Variants in RHCG observed in about 807,000 individuals in gnomAD.
RHCG encodes ammonium transporter Rh type C.
A neutral mutation model predicts 55.3 loss-of-function variants in RHCG; 39 were observed. The ratio of observed to expected loss-of-function variants is 0.70; its 90% confidence interval spans 0.55 to 0.92. RHCG has a LOEUF of 0.92. Among genes scored for constraint, RHCG ranks in the 40% least tolerant of loss-of-function variants. The pLI is 0.00. For synonymous variants in RHCG, 250 were observed against 246.8 expected (o/e 1.01, Z -0.12); for missense variants, 635 against 627.9 (o/e 1.01, Z -0.12).
intron 9 of RHCG, 95 bp downstream of exon 9, chr15:89,476,660 C>T: frequency 9.9e-7 from 1 of 1,010,094 alleles, no homozygotes; most frequent in Non-Finnish European, 1.6e-6. Context: ...CCACCCCCGG[C>T]ATCTGGGTCC....
chr15:89,491,296 G>T (rs1465824711), intron 1 of RHCG, among the ~76,000 whole-genome samples: 1 of 152,074 alleles, frequency 6.6e-6, no homozygotes, highest in East Asian at 1.9e-4. Flanking sequence ...CTGTCTGGGG[G>T]TGTCTCTTTT....
chr15:89,495,893 G>T (rs1961556352), intron 1 of RHCG, among the ~76,000 whole-genome samples: 1 of 152,192 alleles, frequency 6.6e-6, no homozygotes, highest in Non-Finnish European at 1.5e-5. Flanking sequence ...ATTCAGGGGC[G>T]CTTGTTTTCC....
Position 89,483,118 on chromosome 15 carries a change from G to A in RHCG, c.471C>T (p.Phe157=). Residue 157 remains phenylalanine, a synonymous_variant, in exon 3 of 11, where the codon TTC becomes TTT. Coordinates refer to ENST00000268122, the MANE Select transcript of RHCG (RefSeq NM_016321.3). ...CATTCACAGCGAAGAGGGTCACTTG[G>A]AAGAAAGTCATGATGAGCAGCTGAA... ...SPIQLLIMTF[F]QVTLFAVNEF... 1 of 1,607,782 alleles carries A rather than the reference G, an allele frequency of 6.2e-7. No homozygotes were observed. The highest frequency in any genetic ancestry group is 1.1e-5 in the South Asian group (1 of 90,814).
At chr15:89,479,204 C>G in intron 5 of RHCG, 118 bp downstream of exon 5, 1 of 1,051,368 alleles carries the variant, frequency 9.5e-7, no homozygotes, top group Non-Finnish European at 1.3e-6. Flanking sequence ...CATTTCTCCC[C>G]CAACCTCATC....
At chr15:89,495,356 C>T (rs1040179090) in intron 1 of RHCG, among the ~76,000 whole-genome samples, 5 of 152,162 alleles carry the variant, frequency 3.3e-5, no homozygotes, top group Non-Finnish European at 7.3e-5. Flanking sequence ...GAGGGAATAC[C>T]AGTTGATATA....
Position 89,472,760 on chromosome 15 carries a change from G to A in RHCG, c.1415C>T (p.Ala472Val), listed in dbSNP as rs1961062781. ...SVPMVSPLPM[A>V]SSVPLVP is the part of the protein sequence containing the mutation. ...CTAGGGTACCAAGGGTACCGAGGAA[G>A]CCATGGGTAGTGGGGACACCATGGG... Residue 472 changes from alanine to valine, a missense_variant, in exon 10 of 11, where the codon GCT becomes GTT. By Grantham distance (64) the Ala-to-Val change is moderately conservative. Coordinates refer to ENST00000268122, the MANE Select transcript of RHCG (RefSeq NM_016321.3). 6.3e-7 allele frequency: 1 copy of A among 1,595,414 alleles called. No homozygotes were observed. Among genetic ancestry groups the A allele is most frequent in the Non-Finnish European group, 8.5e-7 (1 of 1,171,098 alleles).
chr15:89,479,875 T>C (rs1596403901), intron 4 of RHCG: 1 of 378,988 alleles, frequency 2.6e-6, no homozygotes, highest in Non-Finnish European at 4.9e-6. Context: ...AGAATGGCTG[T>C]GGTCAGTGTC....
chr15:89,479,582 G>A (rs1165663534), intron 4 of RHCG, 94 bp from the exon 5 acceptor site: 1 of 1,169,018 alleles, frequency 8.6e-7, no homozygotes, highest in African/African-American at 1.5e-5. Context: ...TAGCTCTAGA[G>A]ATGACCCCAC....
At chr15:89,482,982 T>C (rs1961294158) in intron 3 of RHCG, 85 bp downstream of exon 3, 5 of 1,323,544 alleles carry the variant, frequency 3.8e-6, no homozygotes, top group Non-Finnish European at 5.1e-6. Flanking sequence ...CAGGCTGGCA[T>C]GTCTCCCCAG....
rs761017965 is a variant in RHCG at position 89,486,897 on chromosome 15, G to A, written c.273C>T (p.Phe91=). 6.2e-7 allele frequency: 1 copy of A among 1,613,154 alleles called. No homozygotes were observed. Among genetic ancestry groups the A allele is most frequent in the Non-Finnish European group, 8.5e-7 (1 of 1,179,230 alleles). Reference sequence around the variant, plus strand: ...TGCCGAAGGCTGCCAACAGGAAGTTGAAGCCCACGGCGCTGAAGCCGTAGC... The same window carrying A: ...TGCCGAAGGCTGCCAACAGGAAGTTAAAGCCCACGGCGCTGAAGCCGTAGC... The part of the protein sequence containing the change: ...LQRYGFSAVG[F]NFLLAAFGIQ... The change falls in exon 2 of 11, where the codon TTC becomes TTT. Residue 91 remains phenylalanine (F), a synonymous_variant. Transcript: ENST00000268122.
At chr15:89,473,161 A>G (rs1441406668) in intron 9 of RHCG, among the ~76,000 whole-genome samples, 1 of 152,218 alleles carries the variant, frequency 6.6e-6, no homozygotes, top group Non-Finnish European at 1.5e-5. Flanking sequence ...TTGCAAATGC[A>G]CACAACAGGC....
chr15:89,473,183 C>T (rs910715078), intron 9 of RHCG, among the ~76,000 whole-genome samples: 1 of 152,170 alleles, frequency 6.6e-6, no homozygotes, highest in African/African-American at 2.4e-5. Context: ...TATAACCCAG[C>T]CTGGGGGATG....
chr15:89,486,926 G>T lies in RHCG; in HGVS notation c.244C>A (p.Gln82Lys). 2 of 1,612,268 alleles carry T rather than the reference G, an allele frequency of 1.2e-6. No homozygotes were observed. The highest frequency in any genetic ancestry group is 1.7e-6 in the Non-Finnish European group (2 of 1,178,646). The change falls in exon 2 of 11, where the codon CAG (glutamine) becomes AAG (lysine). Residue 82 changes from glutamine to lysine, a missense_variant. Coordinates refer to ENST00000268122, the MANE Select transcript of RHCG (RefSeq NM_016321.3). ...VGFGFLMTFL[Q>K]RYGFSAVGFN... ...CCCACGGCGCTGAAGCCGTAGCGCTGCAGGAAAGTCATGAGGAAGCCGAAG... is the reference window on the plus strand; with the variant it reads ...CCCACGGCGCTGAAGCCGTAGCGCTTCAGGAAAGTCATGAGGAAGCCGAAG...
chr15:89,485,026 G>C (rs2141896539), intron 2 of RHCG, among the ~76,000 whole-genome samples: 1 of 152,248 alleles, frequency 6.6e-6, no homozygotes, highest in African/African-American at 2.4e-5. Flanking sequence ...GGGACAATAT[G>C]CTCATCCCAG....
In RHCG at chr15:89,477,436, G is replaced by A. The variant is rs1391889436; in HGVS notation, c.1112+81C>T. On this transcript the variant is annotated intron_variant, in intron 7 of 10. Transcript: ENST00000268122. The surrounding 1 kb of genome is among the most constrained non-coding windows in gnomAD (Gnocchi z 4.5). ...GAAGGAAAGGGAGAAAGATGCAGTCGGGTCCCAGAGGAATAGCAGGAAGAA... is the reference window on the plus strand; with the variant it reads ...GAAGGAAAGGGAGAAAGATGCAGTCAGGTCCCAGAGGAATAGCAGGAAGAA... 5.8e-6 allele frequency: 9 copies of A among 1,559,136 alleles called. No homozygotes were observed. Among genetic ancestry groups the A allele is most frequent in the East Asian group, 4.6e-5 (2 of 43,798 alleles).
intron 1 of RHCG, among the ~76,000 whole-genome samples, chr15:89,488,269 A>G (rs1317346478): frequency 1.4e-5 from 2 of 147,450 alleles, no homozygotes; most frequent in East Asian, 4.0e-4. Context: ...TCTTGCCTAC[A>G]GTAGAATGCT....
intron 10 of RHCG, among the ~76,000 whole-genome samples, chr15:89,472,485 C>T (rs1049759320): frequency 3.3e-5 from 5 of 152,188 alleles, no homozygotes; most frequent in Admixed American, 2.0e-4. Flanking sequence ...CCTTCCAGGC[C>T]CTTGTGCCTT....
chr15:89,472,409 C>T (rs980561181), intron 10 of RHCG, among the ~76,000 whole-genome samples: 28 of 152,174 alleles, frequency 1.8e-4, no homozygotes, highest in African/African-American at 6.3e-4. Flanking sequence ...TGAAGAGATT[C>T]TCAAAGTCAC....
chr15:89,494,156 C>T (rs1961524956), intron 1 of RHCG, among the ~76,000 whole-genome samples: 1 of 152,070 alleles, frequency 6.6e-6, no homozygotes, highest in African/African-American at 2.4e-5. Context: ...ACACCACCCC[C>T]TTTTAGTGGC....
Sources: allele counts gnomAD v4.1 joint callset (sites outside exome capture counted in the v4.1 genomes callset), GRCh38; gene constraint gnomAD v4.1.1; non-coding constraint Gnocchi (gnomAD v3.1); transcripts MANE v1.5; gene names NCBI Gene and HGNC (gene_info 2026-07-23, HGNC 2026-07-21).